Variants in RBM5 observed in about 807,000 individuals in gnomAD.
RBM5 encodes RNA binding motif protein 5.
Under a neutral mutation model 124.6 loss-of-function variants are expected in RBM5, and 15 were observed. That is an observed-to-expected ratio of 0.12 (90% CI 0.08 to 0.19). RBM5 has a LOEUF of 0.19. Among genes scored for constraint, RBM5 ranks in the 10% least tolerant of loss-of-function variants. The pLI is 1.00. For missense variants in RBM5, 580 were observed against 1,026.5 expected (o/e 0.57, Z 5.94); for synonymous variants, 337 against 361.2 (o/e 0.93, Z 0.76).
rs771260903 is a variant in RBM5, at chr3:50,114,072, C to T, written c.1740C>T (p.Asp580=). The T allele has an allele frequency of 8.7e-6, 14 of 1,614,190 alleles. No homozygotes were observed. Among genetic ancestry groups the T allele is most frequent in the South Asian group, 5.5e-5 (5 of 91,076 alleles). The change falls in exon 19 of 25, where the codon GAC becomes GAT. Residue 580 remains aspartate (D), a synonymous_variant. Transcript: ENST00000347869. The part of the protein sequence containing the change: ...EEERRESAAA[D]AGFALFEKKG... Reference sequence around the variant, plus strand: ...AAAGGAGAGAATCTGCTGCAGCAGACGCTGGCTTTGCTCTCTTTGAGAAGA... The same window carrying T: ...AAAGGAGAGAATCTGCTGCAGCAGATGCTGGCTTTGCTCTCTTTGAGAAGA...
intron 17 of RBM5, 107 bp downstream of exon 17, chr3:50,110,877 T>C: frequency 1.2e-6 from 1 of 843,228 alleles, no homozygotes; most frequent in Non-Finnish European, 1.8e-6. Context: ...TGACTCAGAT[T>C]AGTTTTAACT....
At chr3:50,115,648 G>T (rs1487022192) in intron 21 of RBM5, 41 bp downstream of exon 21, 9 of 1,565,744 alleles carry the variant, frequency 5.7e-6, no homozygotes, top group Non-Finnish European at 6.9e-6. Flanking sequence ...GCGAGGGGAG[G>T]CAGTGAGACA....
intron 14 of RBM5, among the ~76,000 whole-genome samples, chr3:50,109,319 C>T (rs182654779): frequency 2.6e-5 from 4 of 152,278 alleles, no homozygotes; most frequent in East Asian, 1.9e-4. Context: ...GTGATCGGCT[C>T]GCCTTTTCCT....
In RBM5 at chr3:50,109,606, C is replaced by T; in HGVS notation, c.1196C>T (p.Thr399Ile). Residue 399 changes from threonine to isoleucine, a missense_variant, in exon 15 of 25, where the codon ACA (threonine) becomes ATA (isoleucine). Coordinates refer to ENST00000347869, the MANE Select transcript of RBM5 (RefSeq NM_005778.4). ...LESDASSASG[T>I]AVTTTSAAVV... ...TAACACTTGTGTTTATCATCAGGCA[C>T]AGCAGTGACCACCACCTCAGCGGCT... The T allele has an allele frequency of 6.2e-7, 1 of 1,613,838 alleles. No homozygotes were observed. Among genetic ancestry groups the T allele is most frequent in the Non-Finnish European group, 8.5e-7 (1 of 1,179,716 alleles).
At chr3:50,096,779 T>G (rs2090826049) in intron 4 of RBM5, among the ~76,000 whole-genome samples, 1 of 151,670 alleles carries the variant, frequency 6.6e-6, no homozygotes, top group Admixed American at 6.6e-5. Flanking sequence ...ATCGTTTGTT[T>G]TTTTTTTTGT....
Position 50,103,095 on chromosome 3 carries a change from A to T in RBM5, c.496A>T (p.Ile166Phe). The part of the protein sequence containing the change: ...WMEANQKKLV[I>F]QGKHIAMHYS... Reference sequence around the variant, plus strand: ...TCTTTTCTTACAGAAAAAGTTGGTGATTCAAGGAAAGCACATTGCAATGCA... The same window carrying T: ...TCTTTTCTTACAGAAAAAGTTGGTGTTTCAAGGAAAGCACATTGCAATGCA... Residue 166 changes from isoleucine (I) to phenylalanine (F), a missense_variant, in exon 7 of 25, where the codon ATT (isoleucine) becomes TTT (phenylalanine). Coordinates refer to ENST00000347869, the MANE Select transcript of RBM5 (RefSeq NM_005778.4). The T allele has an allele frequency of 6.2e-7, 1 of 1,609,074 alleles. No homozygotes were observed. Among genetic ancestry groups the T allele is most frequent in the South Asian group, 1.1e-5 (1 of 90,868 alleles).
Position 50,100,730 on chromosome 3 carries a change from A to T in RBM5, c.483+125A>T. On this transcript the variant is annotated intron_variant, in intron 6 of 24. Transcript: ENST00000347869. This position sits in a 1 kb window ranked among gnomAD's most constrained non-coding sequence, Gnocchi z 5.1. ...TTTTTTTAAAAAAAAAGCTTTGTAT[A>T]TATTAAAATTGATGTTACTAGAATA... is the stretch of plus-strand genomic sequence containing the variant. 1 of 688,236 alleles carries T rather than the reference A, an allele frequency of 1.5e-6. No individual in the cohort carries two copies. Among genetic ancestry groups the T allele is most frequent in the South Asian group, 2.4e-5 (1 of 41,640 alleles). 42.6% of individuals were successfully genotyped at this position (688,236 alleles called of 1,614,324 possible).
intron 1 of RBM5, among the ~76,000 whole-genome samples, chr3:50,089,279 G>T (rs1295659748): frequency 6.6e-6 from 1 of 152,190 alleles, no homozygotes; most frequent in Non-Finnish European, 1.5e-5. Flanking sequence ...GTGGATACAC[G>T]TCCCCTAATC....
At chr3:50,092,561 CAA>C (rs1156471002) in intron 3 of RBM5, among the ~76,000 whole-genome samples, 25 of 66,350 alleles carry the variant, frequency 3.8e-4, no homozygotes, top group Admixed American at 5.3e-4. Flanking sequence ...GACTCCATCT[CAA>C]AAAAAAAAAA....
chr3:50,092,045 T>G lies in RBM5; in HGVS notation c.20T>G (p.Val7Gly). 6.2e-7 allele frequency: 1 copy of G among 1,613,660 alleles called. No individual in the cohort carries two copies. MGSDKR[V>G]SRTERSGRYG... ...ATGAAAATTATTTTCCCTGGCAGAG[T>G]GAGTAGAACAGAGCGTAGTGGAAGA... Residue 7 changes from valine (V) to glycine (G), a missense_variant and splice_region_variant, in exon 3 of 25, where the codon GTG becomes GGG. By Grantham distance (109) the Val-to-Gly change is moderately radical. This residue lies in a region of RBM5 where 99 missense variants were observed against 121.1 expected (regional missense o/e 0.82). Coordinates refer to ENST00000347869, the MANE Select transcript of RBM5 (RefSeq NM_005778.4).
chr3:50,100,188 C>A lies in RBM5; in HGVS notation c.409+137C>A. ...GGTTTGCCATGGCTAAGGAATGTGA[C>A]TCTTTGAAAACCATGTTAGCATCTG... On this transcript the variant is annotated intron_variant, in intron 5 of 24. Transcript: ENST00000347869. This position sits in a 1 kb window ranked among gnomAD's most constrained non-coding sequence, Gnocchi z 5.1. The A allele has an allele frequency of 1.2e-6, 1 of 824,946 alleles. No individual in the cohort carries two copies. Among genetic ancestry groups the A allele is most frequent in the Non-Finnish European group, 1.9e-6 (1 of 534,980 alleles). The allele number at this position is 824,946 out of a possible 1,614,324, so 51.1% of individuals were successfully genotyped here.
chr3:50,118,250 T>C, intron 24 of RBM5, 81 bp from the exon 25 acceptor site: 1 of 1,579,632 alleles, frequency 6.3e-7, no homozygotes, highest in South Asian at 1.1e-5. Flanking sequence ...TGGGTGGTCC[T>C]GCTGGGTAAG....
chr3:50,100,111 T>C lies in RBM5; in HGVS notation c.409+60T>C, dbSNP rs1357744638. ...TCTTCCCCATTCCCACCTCAGTCCC[T>C]AAAGAACATCCTGATTCCCCCAGTC... On this transcript the variant is annotated intron_variant, in intron 5 of 24. Coordinates refer to ENST00000347869, the MANE Select transcript of RBM5 (RefSeq NM_005778.4). The surrounding 1 kb of genome is among the most constrained non-coding windows in gnomAD (Gnocchi z 5.1). 6.9e-7 allele frequency: 1 copy of C among 1,458,648 alleles called. No individual in the cohort carries two copies. The highest frequency in any genetic ancestry group is 9.5e-7 in the Non-Finnish European group (1 of 1,049,788). The allele number at this position is 1,458,648 out of a possible 1,614,324, so 90.4% of individuals were successfully genotyped here. A position where few individuals can be genotyped will look rare whatever the true frequency, so the allele number is the denominator to read the frequency against.
At position 50,104,700 on chromosome 3, in the gene RBM5, A is replaced by G. The variant is rs193225707; in HGVS notation, c.629-377A>G. The stretch of plus-strand genomic sequence containing the variant: ...GGTTGTTAACTGTGAGCCTGAGGAA[A>G]AGTATAGATTTTAGTGTACTTAAAC... On this transcript the variant is annotated intron_variant, in intron 8 of 24. Coordinates refer to ENST00000347869, the MANE Select transcript of RBM5 (RefSeq NM_005778.4). 36 of 265,996 alleles carry G rather than the reference A, an allele frequency of 1.4e-4. No homozygotes were observed. The Admixed American group carries it at 1.6e-3, about 12-fold the overall frequency. The allele number at this position is 265,996 out of a possible 1,614,324, so 16.5% of individuals were successfully genotyped here.
chr3:50,116,002 A>G (rs776063374), intron 22 of RBM5, 22 bp downstream of exon 22: 1 of 1,587,956 alleles, frequency 6.3e-7, no homozygotes, highest in South Asian at 1.1e-5. Context: ...ACTGTGCCAC[A>G]AGGAAGAGGA....
chr3:50,105,596 A>C lies in RBM5; in HGVS notation c.742A>C (p.Met248Leu). The C allele has an allele frequency of 4.3e-6, 7 of 1,614,210 alleles. No individual in the cohort carries two copies. Among genetic ancestry groups the C allele is most frequent in the Non-Finnish European group, 5.9e-6 (7 of 1,180,044 alleles). ...TCCGCACACTGTGGTGGATTCCATC[A>C]TGACAGCACTGTCTCCTTACGCGTC... ...IAPHTVVDSI[M>L]TALSPYASLA... The change falls in exon 10 of 25, where the codon ATG becomes CTG. Residue 248 changes from methionine to leucine, a missense_variant. This residue lies in a region of RBM5 where 101 missense variants were observed against 223.2 expected (regional missense o/e 0.45). Transcript: ENST00000347869.
chr3:50,100,897 T>C lies in RBM5; in HGVS notation c.483+292T>C. On this transcript the variant is annotated intron_variant, in intron 6 of 24. Transcript: ENST00000347869. The surrounding 1 kb of genome is among the most constrained non-coding windows in gnomAD (Gnocchi z 5.1). ...TGTTTCCCTTTTTTCTAGTTTGTTA[T>C]ATTCCTATTATGTCCATTGAGAGTA... is the stretch of plus-strand genomic sequence containing the variant. The C allele has an allele frequency of 3.4e-6, 1 of 290,344 alleles. No homozygotes were observed. The highest frequency in any genetic ancestry group is 6.4e-6 in the Non-Finnish European group (1 of 156,524). 18.0% of individuals were successfully genotyped at this position (290,344 alleles called of 1,614,324 possible).
At position 50,117,386 on chromosome 3, in the gene RBM5, A is replaced by G; in HGVS notation, c.2322+7A>G. On this transcript the variant is annotated splice_region_variant and intron_variant, in intron 24 of 24. Transcript: ENST00000347869. This position sits in a 1 kb window ranked among gnomAD's most constrained non-coding sequence, Gnocchi z 4.2. The stretch of plus-strand genomic sequence containing the variant: ...CATTACGGCTCCCATTGAGGTAAGC[A>G]GTGGGGTCAGGTCTTGATGTTTGCC... The G allele has an allele frequency of 6.2e-7, 1 of 1,613,580 alleles. No individual in the cohort carries two copies. The highest frequency in any genetic ancestry group is 8.5e-7 in the Non-Finnish European group (1 of 1,180,004).
At chr3:50,115,713 G>A in intron 21 of RBM5, 106 bp downstream of exon 21, 1 of 1,370,396 alleles carries the variant, frequency 7.3e-7, no homozygotes, top group Admixed American at 2.2e-5. Flanking sequence ...ATCTAATGAT[G>A]GCCTTACAGA....
Sources: allele counts gnomAD v4.1 joint callset (sites outside exome capture counted in the v4.1 genomes callset), GRCh38; gene constraint gnomAD v4.1.1; regional missense constraint gnomAD v4.1.1; non-coding constraint Gnocchi (gnomAD v3.1); transcripts MANE v1.5; gene names NCBI Gene and HGNC (gene_info 2026-07-23, HGNC 2026-07-21).